The following LHPP variants were observed in gnomAD, a reference collection of about 807,000 sequenced individuals.
LHPP encodes the protein hLHPP.
In LHPP, 24 loss-of-function variants were observed where a neutral mutation model predicts 30.3. The observed-to-expected ratio is 0.79, with a 90% CI of 0.57 to 1.11. The LOEUF (loss-of-function observed/expected upper bound fraction) is 1.11. LHPP is among the 50% of genes most tolerant of loss of function. LHPP has a pLI of 0.00. For synonymous variants in LHPP, 150 were observed against 157.1 expected, an observed-to-expected ratio of 0.95 and a Z score of 0.34; for missense variants, 356 against 367.2, an observed-to-expected ratio of 0.97 and a Z score of 0.25.
intron 1 of LHPP, among the ~76,000 whole-genome samples, chr10:124,473,447 A>G (rs1952849370): frequency 1.3e-5 from 2 of 152,122 alleles, no homozygotes; most frequent in South Asian, 4.1e-4. Flanking sequence ...ACCTGTTGCA[A>G]AGCTTAATCC....
chr10:124,537,667 G>T (rs1955061918), intron 6 of LHPP, among the ~76,000 whole-genome samples: 1 of 152,238 alleles, frequency 6.6e-6, no homozygotes, highest in Admixed American at 6.5e-5. Context: ...CCGCTTCTCA[G>T]ACAAGGAAAC....
chr10:124,464,546 T>C (rs1173272643), intron 1 of LHPP, among the ~76,000 whole-genome samples: 1 of 152,170 alleles, frequency 6.6e-6, no homozygotes, highest in Non-Finnish European at 1.5e-5. Context: ...CTGGGTCTGC[T>C]CTCAGTGTTG....
At chr10:124,539,987 G>A (rs1232164014) in intron 6 of LHPP, among the ~76,000 whole-genome samples, 3 of 152,158 alleles carry the variant, frequency 2.0e-5, no homozygotes, top group South Asian at 2.1e-4. Context: ...AGCACTCACC[G>A]CACTTCCTGG....
In LHPP at chr10:124,613,573, G is replaced by A. The variant is rs373927967; in HGVS notation, c.*213G>A. ...TTCTGCCCTCTGCCCTGCATGGGCA[G>A]GCATTTGTTCCCTACCTGGGTGGCC... On this transcript the variant is annotated 3_prime_UTR_variant, in exon 7 of 7. Transcript: ENST00000368842. The A allele has an allele frequency of 2.3e-5, 14 of 597,822 alleles. No homozygotes were observed. The East Asian group carries it at 3.4e-4, about 14-fold the overall frequency. The allele number at this position is 597,822 out of a possible 1,614,324, so 37.0% of individuals were successfully genotyped here. A position where few individuals can be genotyped will look rare whatever the true frequency, so the allele number is the denominator to read the frequency against.
chr10:124,587,454 C>G (rs1948819243), intron 6 of LHPP, among the ~76,000 whole-genome samples: 1 of 151,830 alleles, frequency 6.6e-6, no homozygotes, highest in South Asian at 2.1e-4. Context: ...CCCAAATCCA[C>G]CCTGAGGCAG....
intron 1 of LHPP, among the ~76,000 whole-genome samples, chr10:124,469,471 G>A (rs1384156803): frequency 6.6e-6 from 1 of 151,728 alleles, no homozygotes; most frequent in Non-Finnish European, 1.5e-5. Flanking sequence ...CCAGGCAGGT[G>A]CTTAACCACC....
At chr10:124,477,871 A>G (rs1240705496) in intron 1 of LHPP, among the ~76,000 whole-genome samples, 2 of 152,120 alleles carry the variant, frequency 1.3e-5, no homozygotes, top group African/African-American at 2.4e-5. Context: ...CTGCAGCCCT[A>G]TGTCCTCCTG....
chr10:124,534,284 AG>A (rs1954967171), intron 6 of LHPP, among the ~76,000 whole-genome samples: 1 of 152,212 alleles, frequency 6.6e-6, no homozygotes, highest in Admixed American at 6.5e-5. Flanking sequence ...CAGCAGCTGG[AG>A]GCAGATGCTG....
rs545893200 is a variant in LHPP at position 124,571,735 on chromosome 10, C to T, written c.717-41529C>T. 6.6e-5 allele frequency among the ~76,000 whole-genome samples: 10 copies of T among 152,322 alleles called. 1 individual carries two copies. In the East Asian group the frequency reaches 1.9e-3, roughly 29 times the overall value. On this transcript the variant is annotated intron_variant, in intron 6 of 6. Coordinates refer to ENST00000368842, the MANE Select transcript of LHPP (RefSeq NM_022126.4). The stretch of plus-strand genomic sequence containing the variant: ...CTAACCGTGTTCCCTGGCTGGCCAC[C>T]CTGCCAGCACCACGCTGGTCCTCAG...
At chr10:124,602,886 C>T (rs1949042098) in intron 6 of LHPP, among the ~76,000 whole-genome samples, 1 of 152,222 alleles carries the variant, frequency 6.6e-6, no homozygotes, top group Admixed American at 6.5e-5. Context: ...TTCTGGGTTG[C>T]AACCGCCCAC....
chr10:124,587,024 C>CTTTT (rs57728201), intron 6 of LHPP, among the ~76,000 whole-genome samples: 5 of 120,730 alleles, frequency 4.1e-5, no homozygotes, highest in Non-Finnish European at 5.2e-5. Context: ...GTGCTTGCTA[C>CTTTT]TTTTTTTTTT....
chr10:124,551,880 C>A (rs755924282), intron 6 of LHPP, among the ~76,000 whole-genome samples: 5 of 152,030 alleles, frequency 3.3e-5, no homozygotes, highest in Non-Finnish European at 7.4e-5. Context: ...GCAGGATGTC[C>A]GCAGGCCCCC....
chr10:124,560,930 TTCC>T (rs1467298958), intron 6 of LHPP, among the ~76,000 whole-genome samples: 5 of 152,120 alleles, frequency 3.3e-5, no homozygotes, highest in Non-Finnish European at 7.4e-5. Context: ...CCTTTCCCTA[TTCC>T]TCCTGCCAAG....
At chr10:124,500,079 G>A (rs951258645) in intron 5 of LHPP, among the ~76,000 whole-genome samples, 4 of 152,064 alleles carry the variant, frequency 2.6e-5, no homozygotes, top group Non-Finnish European at 5.9e-5. Flanking sequence ...ATACAGAAAA[G>A]TAGAGAGAAT....
intron 6 of LHPP, among the ~76,000 whole-genome samples, chr10:124,577,032 G>A (rs1299763624): frequency 6.6e-6 from 1 of 152,218 alleles, no homozygotes; most frequent in South Asian, 2.1e-4. Flanking sequence ...GAATAATAGA[G>A]TCTACTGAGC....
chr10:124,527,892 C>T (rs1041253795), intron 6 of LHPP, among the ~76,000 whole-genome samples: 14 of 152,070 alleles, frequency 9.2e-5, no homozygotes, highest in Non-Finnish European at 1.5e-4. Context: ...GTGATTCTCC[C>T]GCCTCAGCCT....
At position 124,482,329 on chromosome 10, in the gene LHPP, T is replaced by C. The variant is rs748013076; in HGVS notation, c.126-1810T>C. On this transcript the variant is annotated intron_variant, in intron 1 of 6. Coordinates refer to ENST00000368842, the MANE Select transcript of LHPP (RefSeq NM_022126.4). ...ATAAAAAATACACAACTTGAAAGAATAGGTGAAGAGCCAAGATGTCTGCAT... is the reference window on the plus strand; with the variant it reads ...ATAAAAAATACACAACTTGAAAGAACAGGTGAAGAGCCAAGATGTCTGCAT... Among the ~76,000 whole-genome samples, 133 of 152,208 alleles carry C rather than the reference T, an allele frequency of 8.7e-4. 2 individuals carry two copies. The highest frequency in any genetic ancestry group is 1.6e-3 in the Non-Finnish European group (112 of 68,032).
intron 6 of LHPP, among the ~76,000 whole-genome samples, chr10:124,583,245 CTG>C (rs1589693038): frequency 6.6e-6 from 1 of 152,166 alleles, no homozygotes; most frequent in African/African-American, 2.4e-5. Flanking sequence ...AGATTTACCC[CTG>C]TGTTTTCTCC....
chr10:124,502,626 C>A (rs1027166904), intron 5 of LHPP, among the ~76,000 whole-genome samples: 5 of 150,330 alleles, frequency 3.3e-5, no homozygotes, highest in Non-Finnish European at 5.9e-5. Context: ...GCTTCGGCTC[C>A]CAAAGTGCCG....
Sources: gnomAD v4.1 joint callset for allele counts (sites outside exome capture counted in the v4.1 genomes callset) on GRCh38, gnomAD v4.1.1 for gene constraint, MANE v1.5 for transcripts, NCBI Gene and HGNC (gene_info 2026-07-23, HGNC 2026-07-21) for gene names.